NRG1: variants seen among roughly 807,000 people sequenced by gnomAD.
NRG1 encodes the protein pro-neuregulin-1, membrane-bound isoform.
A neutral mutation model predicts 63.8 loss-of-function variants in NRG1; 18 were observed. That is an observed-to-expected ratio of 0.28 (90% CI 0.19 to 0.42). NRG1 has a LOEUF of 0.42. NRG1 is among the 10% of genes least tolerant of loss of function. The pLI, the probability that NRG1 is intolerant of heterozygous loss-of-function variation, is 1.00. For missense variants in NRG1, 762 were observed against 814.7 expected, an observed-to-expected ratio of 0.94 and a Z score of 0.79; for synonymous variants, 302 against 301.3, an observed-to-expected ratio of 1.00 and a Z score of -0.02.
At chr8:32,424,235 A>G (rs978014390) in intron 1 of NRG1, among the ~76,000 whole-genome samples, 1 of 151,642 alleles carries the variant, frequency 6.6e-6, no homozygotes, top group African/African-American at 2.4e-5. Flanking sequence ...CTTTCCCTCC[A>G]TTTCTTGACT....
At position 32,144,395 on chromosome 8, in the gene NRG1, G is replaced by C. The variant is rs191107113; in HGVS notation, c.38-451433G>C. Among the ~76,000 whole-genome samples, 240 of 152,260 alleles carry C rather than the reference G, an allele frequency of 1.6e-3. 2 individuals are homozygous for C. The highest frequency in any genetic ancestry group is 3.2e-4 in the Non-Finnish European group (22 of 68,016). ...TATGTGTGTTTATGGAGGTGTGTGT[G>C]TGTGTGTGTATGTGTTGGAGAAGAC... On this transcript the variant is annotated intron_variant, in intron 1 of 10. Coordinates refer to the NRG1 transcript ENST00000519301.
At chr8:32,077,271 GC>G (rs1260963903) in intron 1 of NRG1, among the ~76,000 whole-genome samples, 1 of 152,096 alleles carries the variant, frequency 6.6e-6, no homozygotes, top group Non-Finnish European at 1.5e-5. Context: ...GGATACTGAG[GC>G]AGGAGAATCG....
intron 1 of NRG1, among the ~76,000 whole-genome samples, chr8:31,826,518 G>A (rs1460048394): frequency 6.6e-6 from 1 of 152,198 alleles, no homozygotes; most frequent in African/African-American, 2.4e-5. Context: ...CCAGCCATGT[G>A]GAATTGTGAG....
chr8:32,751,947 T>C (rs1347533594), intron 7 of NRG1, among the ~76,000 whole-genome samples: 3 of 152,218 alleles, frequency 2.0e-5, no homozygotes, highest in Admixed American at 6.5e-5. Flanking sequence ...TTAGCCCTTG[T>C]CCATGTCCCC....
intron 1 of NRG1, among the ~76,000 whole-genome samples, chr8:31,667,162 C>A (rs1806634355): frequency 6.6e-6 from 1 of 152,162 alleles, no homozygotes; most frequent in Admixed American, 6.5e-5. Context: ...TAATTCCCTG[C>A]AAAGACTCAA....
intron 1 of NRG1, among the ~76,000 whole-genome samples, chr8:31,733,090 A>G (rs886519814): frequency 1.3e-5 from 2 of 151,666 alleles, no homozygotes; most frequent in Non-Finnish European, 1.5e-5. Flanking sequence ...ACTTGTTTCA[A>G]TTAAGACAAT....
intron 5 of NRG1, among the ~76,000 whole-genome samples, chr8:32,621,951 G>A (rs1848413889): frequency 6.6e-6 from 1 of 152,154 alleles, no homozygotes; most frequent in Admixed American, 6.5e-5. Context: ...GTAGCCTTTG[G>A]CACCAAGTTT....
intron 1 of NRG1, among the ~76,000 whole-genome samples, chr8:31,705,204 T>TTTTTTA (rs1304415493): frequency 5.1e-4 from 78 of 152,038 alleles, no homozygotes; most frequent in Middle Eastern, 3.4e-3. Context: ...ACGCAGCTAG[T>TTTTTTA]TTTTTATTTT....
intron 1 of NRG1, among the ~76,000 whole-genome samples, chr8:31,751,982 C>A (rs559390316): frequency 6.6e-6 from 1 of 151,962 alleles, no homozygotes; most frequent in Admixed American, 6.6e-5. Flanking sequence ...CATGTATTTG[C>A]CATTCCTGTG....
At chr8:32,614,394 C>G (rs942386105) in intron 3 of NRG1, 120 bp from the exon 4 acceptor site, 2 of 881,258 alleles carry the variant, frequency 2.3e-6, no homozygotes, top group African/African-American at 3.3e-5. Context: ...CTGGACTTTT[C>G]TCACTCCCTT....
chr8:32,161,328 T>C (rs894030486), intron 1 of NRG1, among the ~76,000 whole-genome samples: 12 of 152,122 alleles, frequency 7.9e-5, no homozygotes, highest in Non-Finnish European at 1.3e-4. Context: ...AATCAGTTAA[T>C]TAAGGAAAGA....
chr8:32,759,271 G>A (rs201890726), intron 9 of NRG1, 35 bp from the exon 10 acceptor site: 53 of 1,604,896 alleles, frequency 3.3e-5, no homozygotes, highest in Admixed American at 2.0e-4. Context: ...ATGAATCTAC[G>A]TGAATCTTCA....
intron 1 of NRG1, among the ~76,000 whole-genome samples, chr8:31,967,980 T>G (rs1806643820): frequency 6.6e-6 from 1 of 152,174 alleles, no homozygotes; most frequent in African/African-American, 2.4e-5. Context: ...GCTTTTAATT[T>G]TAGTTGTTTC....
At chr8:32,564,787 G>A (rs1490224518) in intron 1 of NRG1, among the ~76,000 whole-genome samples, 2 of 152,096 alleles carry the variant, frequency 1.3e-5, no homozygotes, top group South Asian at 2.1e-4. Context: ...ATGGCTGGGC[G>A]TGGTGGCTCA....
chr8:31,992,220 G>A (rs1811220101), intron 1 of NRG1, among the ~76,000 whole-genome samples: 1 of 151,938 alleles, frequency 6.6e-6, no homozygotes, highest in Non-Finnish European at 1.5e-5. Context: ...AAGAAAGAAA[G>A]AAACAGAAAA....
At chr8:32,497,495 T>C in intron 1 of NRG1, among the ~76,000 whole-genome samples, 1 of 150,002 alleles carries the variant, frequency 6.7e-6, no homozygotes, top group Non-Finnish European at 1.5e-5. Flanking sequence ...CCTAAAATGA[T>C]AAACAATTTA....
At chr8:32,472,750 T>C (rs560062472) in intron 1 of NRG1, among the ~76,000 whole-genome samples, 1 of 152,330 alleles carries the variant, frequency 6.6e-6, no homozygotes, top group East Asian at 1.9e-4. Flanking sequence ...TGCATCTTAC[T>C]AGTGCTTTTG....
chr8:32,537,840 T>C (rs1701813802), intron 1 of NRG1, among the ~76,000 whole-genome samples: 1 of 152,134 alleles, frequency 6.6e-6, no homozygotes, highest in Admixed American at 6.6e-5. Flanking sequence ...TCTCAGGTTT[T>C]GGTTACTCTT....
intron 1 of NRG1, among the ~76,000 whole-genome samples, chr8:32,014,459 GA>G (rs1586480134): frequency 6.6e-6 from 1 of 152,154 alleles, no homozygotes; most frequent in East Asian, 1.9e-4. Flanking sequence ...GGTCTGAGAT[GA>G]AAAATTCATC....
Sources: gnomAD v4.1 joint callset for allele counts (sites outside exome capture counted in the v4.1 genomes callset) on GRCh38, gnomAD v4.1.1 for gene constraint, MANE v1.5 for transcripts, NCBI Gene and HGNC (gene_info 2026-07-23, HGNC 2026-07-21) for gene names.